Variants in BATF observed in about 807,000 individuals in gnomAD.
BATF encodes the protein basic leucine zipper ATF-like transcription factor, also known as basic leucine zipper transcriptional factor ATF-like.
In BATF, 5 loss-of-function variants were observed where a neutral mutation model predicts 13.7. The ratio of observed to expected loss-of-function variants is 0.36; its 90% CI spans 0.19 to 0.77. The LOEUF is 0.77. Among genes scored for constraint, BATF ranks in the 30% least tolerant of loss-of-function variants. The pLI, the probability that BATF is intolerant of heterozygous loss-of-function variation, is 0.51. For synonymous variants in BATF, 72 were observed against 67.5 expected, an observed-to-expected ratio of 1.07 and a Z score of -0.33; for missense variants, 124 against 163.0, an observed-to-expected ratio of 0.76 and a Z score of 1.30.
At position 75,524,742 on chromosome 14, in the gene BATF, G is replaced by A. The variant is rs146721905; in HGVS notation, c.64-342G>A. Among the ~76,000 whole-genome samples, 6 of 151,494 alleles carry A rather than the reference G, an allele frequency of 4.0e-5. No individual in the cohort carries two copies. In the East Asian group the frequency reaches 9.7e-4, roughly 24 times the overall value. On this transcript the variant is annotated intron_variant, in intron 1 of 2. Transcript: ENST00000286639. ...CCTAAAGGCCAAAAAGTGAGAGGGCGAGGGTGGAGCAGCCCTACAGAGGAG... is the reference window on the plus strand; with the variant it reads ...CCTAAAGGCCAAAAAGTGAGAGGGCAAGGGTGGAGCAGCCCTACAGAGGAG...
chr14:75,533,132 G>A (rs1157602971), intron 2 of BATF, among the ~76,000 whole-genome samples: 1 of 152,092 alleles, frequency 6.6e-6, no homozygotes, highest in Non-Finnish European at 1.5e-5. Context: ...GAGGCATATT[G>A]GAAATTGGGA....
At chr14:75,529,997 G>A (rs1387136609) in intron 2 of BATF, among the ~76,000 whole-genome samples, 4 of 149,508 alleles carry the variant, frequency 2.7e-5, no homozygotes, top group Non-Finnish European at 5.9e-5. Context: ...CCGGGAGGCG[G>A]AGCTTGCAGT....
chr14:75,525,570 A>C lies in BATF; in HGVS notation c.168+382A>C, dbSNP rs1409684704. On this transcript the variant is annotated intron_variant, in intron 2 of 2. Transcript: ENST00000286639. The stretch of plus-strand genomic sequence containing the variant: ...TCCCAGCTACTTGGGAGGCTGAGGC[A>C]GGAGAATCACTTGAACAGGCAGAGG... Among the ~76,000 whole-genome samples, 6 of 151,310 alleles carry C rather than the reference A, an allele frequency of 4.0e-5. No homozygotes were observed. The East Asian group carries it at 1.2e-3, about 30-fold the overall frequency.
At chr14:75,523,349 C>T (rs1260383095) in intron 1 of BATF, among the ~76,000 whole-genome samples, 1 of 152,240 alleles carries the variant, frequency 6.6e-6, no homozygotes. Context: ...AGAGGTCCAG[C>T]CAATATCTCT....
At chr14:75,531,206 T>A (rs553042050) in intron 2 of BATF, among the ~76,000 whole-genome samples, 3 of 152,238 alleles carry the variant, frequency 2.0e-5, no homozygotes, top group Non-Finnish European at 4.4e-5. Context: ...AAGTTGGGAT[T>A]TGAGTGACTC....
intron 2 of BATF, among the ~76,000 whole-genome samples, chr14:75,536,562 C>G (rs1275746210): frequency 6.6e-6 from 1 of 151,174 alleles, no homozygotes; most frequent in African/African-American, 2.4e-5. Flanking sequence ...CCCATCTCTA[C>G]AAAAAAAAAT....
chr14:75,543,945 A>C (rs542264417), intron 2 of BATF, among the ~76,000 whole-genome samples: 2 of 152,184 alleles, frequency 1.3e-5, no homozygotes, highest in East Asian at 3.9e-4. Flanking sequence ...ATTTAGGGCA[A>C]ATTTTAAATG....
intron 1 of BATF, among the ~76,000 whole-genome samples, chr14:75,524,225 G>GT (rs1283296490): frequency 5.9e-5 from 9 of 152,194 alleles, no homozygotes; most frequent in Non-Finnish European, 5.9e-5. Context: ...CTCTCTGGGT[G>GT]TAATTAGAGA....
chr14:75,539,870 C>T (rs1333775326), intron 2 of BATF, among the ~76,000 whole-genome samples: 3 of 152,104 alleles, frequency 2.0e-5, no homozygotes, highest in African/African-American at 7.2e-5. Flanking sequence ...AAGAGTCGTA[C>T]TTTTCAGTTG....
chr14:75,537,192 G>A (rs1446428885), intron 2 of BATF, among the ~76,000 whole-genome samples: 1 of 152,130 alleles, frequency 6.6e-6, no homozygotes, highest in Non-Finnish European at 1.5e-5. Context: ...TCTTAAAGTG[G>A]TTGTAATTCT....
At chr14:75,532,040 A>G (rs556900011) in intron 2 of BATF, among the ~76,000 whole-genome samples, 4 of 152,322 alleles carry the variant, frequency 2.6e-5, no homozygotes, top group African/African-American at 7.2e-5. Flanking sequence ...ACAAACGACT[A>G]TGTATTAACC....
chr14:75,533,573 G>T (rs976598330), intron 2 of BATF, among the ~76,000 whole-genome samples: 1 of 152,110 alleles, frequency 6.6e-6, no homozygotes, highest in Non-Finnish European at 1.5e-5. Flanking sequence ...CAGAATGGGA[G>T]TCTCCCCAGA....
rs1413398777 is a variant in BATF, at chr14:75,522,739, C to T, written c.57C>T (p.Gly19=). 6.2e-7 allele frequency: 1 copy of T among 1,614,096 alleles called. No individual in the cohort carries two copies. The highest frequency in any genetic ancestry group is 8.5e-7 in the Non-Finnish European group (1 of 1,180,032). The change falls in exon 1 of 3, where the codon GGC becomes GGT. Residue 19 remains glycine (G), a synonymous_variant. Coordinates refer to ENST00000286639, the MANE Select transcript of BATF (RefSeq NM_006399.5). ...GCTTCAGCCGCTCTCCTCCCCCTGG[C>T]AAACAGGTAGAGTCCTCCTTTTTCT... ...DSSFSRSPPP[G]KQDSSDDVRR...
At chr14:75,524,712 A>G (rs1887625829) in intron 1 of BATF, among the ~76,000 whole-genome samples, 3 of 152,206 alleles carry the variant, frequency 2.0e-5, no homozygotes, top group Admixed American at 2.0e-4. Context: ...GAACAGCAAG[A>G]AGAGCCTAAA....
At position 75,546,871 on chromosome 14, in the gene BATF, C is replaced by T. The variant is rs1234086544; in HGVS notation, c.*200C>T. The T allele has an allele frequency of 1.3e-6, 1 of 769,710 alleles. No individual in the cohort carries two copies. The highest frequency in any genetic ancestry group is 2.2e-6 in the Non-Finnish European group (1 of 446,804). The allele number at this position is 769,710 out of a possible 1,614,324, so 47.7% of individuals were successfully genotyped here. ...AGCGTTTCGAGGGGCGTGTGCTGGA[C>T]CCCACCACTGTGGGTTGCAGGCCCA... On this transcript the variant is annotated 3_prime_UTR_variant, in exon 3 of 3. Coordinates refer to ENST00000286639, the MANE Select transcript of BATF (RefSeq NM_006399.5).
At chr14:75,540,663 CCT>C (rs1887882834) in intron 2 of BATF, among the ~76,000 whole-genome samples, 1 of 152,214 alleles carries the variant, frequency 6.6e-6, no homozygotes, top group South Asian at 2.1e-4. Flanking sequence ...CTTCTCTGTT[CCT>C]CTGTTTTTCC....
chr14:75,546,682 C>T lies in BATF; in HGVS notation c.*11C>T, dbSNP rs201256366. 267 of 1,572,192 alleles carry T rather than the reference C, an allele frequency of 1.7e-4. 2 individuals are homozygous for T. In the African/African-American group the frequency reaches 3.3e-3, roughly 19 times the overall value. Reference sequence around the variant, plus strand: ...CGCTTCCAGCCCTGAGCTTCCGATGCGGGGAGAGCAGAGCCTCGGGAGGGG... The same window carrying T: ...CGCTTCCAGCCCTGAGCTTCCGATGTGGGGAGAGCAGAGCCTCGGGAGGGG... On this transcript the variant is annotated 3_prime_UTR_variant, in exon 3 of 3. Transcript: ENST00000286639.
chr14:75,537,394 C>G (rs1887835199), intron 2 of BATF, among the ~76,000 whole-genome samples: 1 of 152,158 alleles, frequency 6.6e-6, no homozygotes, highest in South Asian at 2.1e-4. Context: ...TCAGCTGACC[C>G]TTCTTCATAG....
rs762940793 is a variant in BATF, at chr14:75,525,091, C to G, written c.71C>G (p.Ser24Cys). Residue 24 changes from serine to cysteine, a missense_variant, in exon 2 of 3, where the codon TCT (serine) becomes TGT (cysteine). Physicochemically the swap from Ser to Cys is moderately radical, Grantham distance 112. Coordinates refer to ENST00000286639, the MANE Select transcript of BATF (RefSeq NM_006399.5). ...CCCGTCTCTGCTTCCCAGGACTCAT[C>G]TGATGATGTGAGAAGAGTTCAGAGG... ...RSPPPGKQDS[S>C]DDVRRVQRRE... 3.7e-6 allele frequency: 6 copies of G among 1,612,990 alleles called. No individual in the cohort carries two copies. The South Asian group carries it at 6.6e-5, about 18-fold the overall frequency.
Sources: gnomAD v4.1 joint callset for allele counts (sites outside exome capture counted in the v4.1 genomes callset) on GRCh38, gnomAD v4.1.1 for gene constraint, MANE v1.5 for transcripts, NCBI Gene and HGNC (gene_info 2026-07-23, HGNC 2026-07-21) for gene names.